Variants in PPP2R3B observed in about 807,000 individuals in gnomAD.
PPP2R3B encodes the protein protein phosphatase 2 regulatory subunit B''beta, also known as serine/threonine-protein phosphatase 2A regulatory subunit B'' subunit beta.
In PPP2R3B, 68 loss-of-function variants were observed where a neutral mutation model predicts 72.9. The observed-to-expected ratio is 0.93, with a 90% CI of 0.77 to 1.14. PPP2R3B has a LOEUF of 1.14. Ranked by LOEUF, PPP2R3B falls within the 50% of genes most tolerant of loss-of-function variation. The probability of loss-of-function intolerance (pLI) is 0.00; values close to 1 mark genes in which losing one functional copy is unlikely to be tolerated. For synonymous variants in PPP2R3B, 466 were observed against 375.8 expected (o/e 1.24, Z -2.78); for missense variants, 1,018 against 842.0 (o/e 1.21, Z -2.59).
chrX:347,575 C>A lies in PPP2R3B; in HGVS notation c.614+15G>T. On this transcript the variant is annotated intron_variant, in intron 3 of 12. Transcript: ENST00000390665. ...CGCCCTCCCGACACAGCCCCCTGCC[C>A]AGCCCAGGACTCACTTTCTCCACAT... 6.4e-7 allele frequency: 1 copy of A among 1,563,836 alleles called. No homozygotes were observed. The highest frequency in any genetic ancestry group is 2.4e-5 in the East Asian group (1 of 42,354).
intron 2 of PPP2R3B, among the ~76,000 whole-genome samples, chrX:354,041 A>AGGGGCTCACCCAAAGACC (rs1381471515): frequency 2.3e-5 from 2 of 88,328 alleles, no homozygotes; most frequent in South Asian, 7.4e-4. Flanking sequence ...CCCAGGGACC[A>AGGGGCTCACCCAAAGACC]GGGGCTCACC....
At chrX:345,436 G>A in intron 7 of PPP2R3B, 80 bp downstream of exon 7, 1 of 1,573,584 alleles carries the variant, frequency 6.4e-7, no homozygotes, top group South Asian at 1.1e-5. Context: ...GGAAGGAGAG[G>A]CAGCTGCAGA....
chrX:338,636 G>A lies in PPP2R3B; in HGVS notation c.1545C>T (p.Ala515=), dbSNP rs778837522. ...CCCAGGGCTCTCCCGCAGTCTCCTC[G>A]GCCACCAGGATGTCGTACTCCTCGG... ...YAAEEYDILV[A]EETAGEPWED... is the part of the protein sequence containing the mutation. Residue 515 remains alanine (A), a synonymous_variant, in exon 12 of 13, where the codon GCC becomes GCT. Coordinates refer to ENST00000390665, the MANE Select transcript of PPP2R3B (RefSeq NM_013239.5). The A allele has an allele frequency of 6.9e-5, 111 of 1,610,092 alleles. No homozygotes were observed. The highest frequency in any genetic ancestry group is 1.3e-4 in the African/African-American group (10 of 74,690).
chrX:349,597 C>A (rs1270568258), intron 2 of PPP2R3B, among the ~76,000 whole-genome samples: 1 of 152,210 alleles, frequency 6.6e-6, no homozygotes, highest in Non-Finnish European at 1.5e-5. Flanking sequence ...ACAAGCAACA[C>A]ACTGTGTAGA....
chrX:367,793 C>G (rs2071754461), intron 1 of PPP2R3B, among the ~76,000 whole-genome samples: 1 of 152,140 alleles, frequency 6.6e-6, no homozygotes, highest in Admixed American at 6.5e-5. Context: ...ATGGGAGACA[C>G]AGAGGACAGA....
intron 2 of PPP2R3B, among the ~76,000 whole-genome samples, chrX:348,013 G>C (rs1331478679): frequency 6.6e-6 from 1 of 152,190 alleles, no homozygotes; most frequent in African/African-American, 2.4e-5. Flanking sequence ...CAGTAAGTAC[G>C]GGAATAAATG....
intron 1 of PPP2R3B, chrX:373,403 C>T (rs2071910184): frequency 6.6e-6 from 1 of 152,176 alleles, no homozygotes; most frequent in East Asian, 1.9e-4. Context: ...CGTTTGGGCC[C>T]CGCCACGCAA....
intron 1 of PPP2R3B, among the ~76,000 whole-genome samples, chrX:370,391 C>T (rs1405732082): frequency 3.3e-5 from 5 of 152,300 alleles, no homozygotes; most frequent in Admixed American, 3.3e-4. Context: ...GCAGCCCAGG[C>T]ACTGGCGCCT....
intron 2 of PPP2R3B, 95 bp from the exon 3 acceptor site, chrX:347,788 C>T (rs1394042944): frequency 1.1e-6 from 1 of 898,806 alleles, no homozygotes; most frequent in African/African-American, 1.7e-5. Flanking sequence ...GCCCAGAGAC[C>T]CTCTGCTGCA....
chrX:375,633 C>T (rs2071974939), intron 1 of PPP2R3B, among the ~76,000 whole-genome samples: 1 of 152,256 alleles, frequency 6.6e-6, no homozygotes, highest in Non-Finnish European at 1.5e-5. Flanking sequence ...AGAGGTGCCG[C>T]CCCTTCAGTT....
chrX:378,712 G>A (rs1179186782), intron 1 of PPP2R3B, among the ~76,000 whole-genome samples: 2 of 152,030 alleles, frequency 1.3e-5, no homozygotes, highest in Non-Finnish European at 2.9e-5. Flanking sequence ...TCTTTACACA[G>A]TTTCCATGGT....
At chrX:355,849 C>G (rs554560153) in intron 2 of PPP2R3B, among the ~76,000 whole-genome samples, 27 of 152,312 alleles carry the variant, frequency 1.8e-4, no homozygotes, top group African/African-American at 6.3e-4. Flanking sequence ...AGAGAAAAGT[C>G]CAGCGCACGT....
At chrX:346,886 G>A in intron 4 of PPP2R3B, 111 bp from the exon 5 acceptor site, 1 of 1,027,174 alleles carries the variant, frequency 9.7e-7, no homozygotes, top group South Asian at 1.4e-5. Context: ...GGTGTGCGGT[G>A]TAGACGCCGG....
chrX:344,676 C>T (rs2124617738), intron 7 of PPP2R3B, among the ~76,000 whole-genome samples: 1 of 152,330 alleles, frequency 6.6e-6, no homozygotes, highest in African/African-American at 2.4e-5. Flanking sequence ...CTGTGCTCTC[C>T]TCGTGGCTAG....
rs868151400 is a variant in PPP2R3B, at chrX:366,897, G to A, written c.325-5307C>T. Among the ~76,000 whole-genome samples the A allele has an allele frequency of 2.3e-3, 345 of 149,496 alleles. 6 individuals are homozygous for A. Among genetic ancestry groups the A allele is most frequent in the Admixed American group, 0.01 (149 of 14,564 alleles). ...CAAACGATTAACCAGGTGTGGTGGC[G>A]CATGCCTGTAATCCCAGCTACTTGA... On this transcript the variant is annotated intron_variant, in intron 1 of 12. Coordinates refer to ENST00000390665, the MANE Select transcript of PPP2R3B (RefSeq NM_013239.5).
At chrX:375,488 G>T (rs1603128952) in intron 1 of PPP2R3B, among the ~76,000 whole-genome samples, 1 of 144,904 alleles carries the variant, frequency 6.9e-6, no homozygotes, top group Non-Finnish European at 1.5e-5. Context: ...CAGAGGTGCG[G>T]CCCAGTAACC....
chrX:376,877 G>A (rs57873881), intron 1 of PPP2R3B, among the ~76,000 whole-genome samples: 3 of 89,172 alleles, frequency 3.4e-5, no homozygotes, highest in Admixed American at 1.0e-4. Flanking sequence ...ACTACTGTAT[G>A]CAGGGACGGG....
chrX:354,914 T>A (rs189253105), intron 2 of PPP2R3B, among the ~76,000 whole-genome samples: 1 of 152,256 alleles, frequency 6.6e-6, no homozygotes, highest in East Asian at 1.9e-4. Context: ...CTGAGTCTGA[T>A]GAAGGACGCC....
intron 1 of PPP2R3B, among the ~76,000 whole-genome samples, chrX:376,457 C>T (rs1169404509): frequency 2.6e-5 from 4 of 150,988 alleles, no homozygotes; most frequent in South Asian, 2.1e-4. Context: ...CATCCACTAC[C>T]GTGTACAGGG....
Sources: allele counts gnomAD v4.1 joint callset (sites outside exome capture counted in the v4.1 genomes callset), GRCh38; gene constraint gnomAD v4.1.1; transcripts MANE v1.5; gene names NCBI Gene and HGNC (gene_info 2026-07-23, HGNC 2026-07-21).